ARIH1: variants seen among roughly 807,000 people sequenced by gnomAD.
The protein encoded by ARIH1 is E3 ubiquitin-protein ligase ARIH1.
ARIH1 carries 8 observed loss-of-function variants against 85.0 expected under a neutral mutation model. That is an observed-to-expected ratio of 0.09 (90% CI 0.06 to 0.17). The LOEUF (loss-of-function observed/expected upper bound fraction) is 0.17. ARIH1 is among the 10% of genes least tolerant of loss of function. The probability of loss-of-function intolerance (pLI) is 1.00; values close to 1 mark genes in which losing one functional copy is unlikely to be tolerated. For missense variants in ARIH1, 311 were observed against 718.1 expected (o/e 0.43, Z 6.48); for synonymous variants, 238 against 253.6 (o/e 0.94, Z 0.59).
chr15:72,554,633 G>A (rs1000016178), intron 3 of ARIH1, among the ~76,000 whole-genome samples: 3 of 152,154 alleles, frequency 2.0e-5, no homozygotes, highest in South Asian at 2.1e-4. Flanking sequence ...GTAATCCTCC[G>A]CTCTCAGCCA....
chr15:72,492,237 T>A (rs2063862421), intron 1 of ARIH1, among the ~76,000 whole-genome samples: 1 of 152,142 alleles, frequency 6.6e-6, no homozygotes. Flanking sequence ...TTATATAAAA[T>A]TTGTTCGTTA....
chr15:72,509,131 C>T (rs1021237723), intron 1 of ARIH1, among the ~76,000 whole-genome samples: 5 of 151,950 alleles, frequency 3.3e-5, no homozygotes, highest in Non-Finnish European at 5.9e-5. Context: ...GCTGGGACTA[C>T]AGGCGTGCAT....
At chr15:72,518,314 A>C (rs952485318) in intron 2 of ARIH1, among the ~76,000 whole-genome samples, 180 bp downstream of exon 2, 1 of 152,032 alleles carries the variant, frequency 6.6e-6, no homozygotes, top group Non-Finnish European at 1.5e-5. Context: ...AGTAAATTTA[A>C]TGTTAGGGAG....
intron 2 of ARIH1, among the ~76,000 whole-genome samples, chr15:72,522,817 G>A (rs1306196359): frequency 6.6e-6 from 1 of 152,196 alleles, no homozygotes; most frequent in Non-Finnish European, 1.5e-5. Flanking sequence ...AAAACAGTCT[G>A]ATTAAAAAAT....
chr15:72,591,653 G>C lies in ARIH1; in HGVS notation c.*8361G>C, dbSNP rs1376537220. 6.6e-6 allele frequency: 1 copy of C among 152,184 alleles called. No homozygotes were observed. The highest frequency in any genetic ancestry group is 1.5e-5 in the Non-Finnish European group (1 of 68,030). The allele number at this position is 152,184 out of a possible 1,614,324, so 9.4% of individuals were successfully genotyped here. A position where few individuals can be genotyped will look rare whatever the true frequency, so the allele number is the denominator to read the frequency against. On this transcript the variant is annotated 3_prime_UTR_variant, in exon 14 of 14. Transcript: ENST00000379887. ...CGGTATGTCAAATCATTTTCTCAGA[G>C]GAAGTACAGCATAAAATAATAACCA... is the stretch of plus-strand genomic sequence containing the variant.
intron 3 of ARIH1, among the ~76,000 whole-genome samples, 185 bp from the exon 4 acceptor site, chr15:72,555,086 G>A (rs931063610): frequency 3.9e-5 from 6 of 152,140 alleles, no homozygotes; most frequent in Non-Finnish European, 8.8e-5. Context: ...TAAGATGTAT[G>A]TGTGTTCGGT....
chr15:72,562,155 T>C (rs1307250281), intron 6 of ARIH1, among the ~76,000 whole-genome samples: 3 of 152,314 alleles, frequency 2.0e-5, no homozygotes, highest in Non-Finnish European at 4.4e-5. Context: ...TTTGAGATTC[T>C]AACCCTGCTA....
At chr15:72,562,598 TTTTG>T (rs543885038) in intron 6 of ARIH1, among the ~76,000 whole-genome samples, 152 of 151,840 alleles carry the variant, frequency 1.0e-3, no homozygotes, top group African/African-American at 3.5e-3. Flanking sequence ...GAACTGGGTT[TTTTG>T]TTTGTTTTTT....
intron 2 of ARIH1, among the ~76,000 whole-genome samples, chr15:72,522,660 G>A (rs1033039565): frequency 6.6e-6 from 1 of 152,014 alleles, no homozygotes; most frequent in Non-Finnish European, 1.5e-5. Context: ...GAACTAGAGA[G>A]CAACAACAAC....
chr15:72,552,718 A>T (rs1265636416), intron 3 of ARIH1, among the ~76,000 whole-genome samples: 1 of 152,100 alleles, frequency 6.6e-6, no homozygotes, highest in East Asian at 1.9e-4. Context: ...AAAAACTGGA[A>T]ATAGCAGTTG....
intron 11 of ARIH1, among the ~76,000 whole-genome samples, chr15:72,574,924 A>G (rs891159412): frequency 2.7e-5 from 3 of 111,626 alleles, no homozygotes; most frequent in Non-Finnish European, 5.8e-5. Flanking sequence ...CATCTCTACA[A>G]AAAAAAAACA....
At chr15:72,489,387 T>C (rs968808423) in intron 1 of ARIH1, among the ~76,000 whole-genome samples, 39 of 152,146 alleles carry the variant, frequency 2.6e-4, no homozygotes, top group African/African-American at 9.4e-4. Flanking sequence ...TTTGTGCTGA[T>C]GTTGCAGGGC....
In ARIH1 at chr15:72,593,223, T is replaced by G. The variant is rs2064349773; in HGVS notation, c.*9931T>G. The stretch of plus-strand genomic sequence containing the variant: ...TATCTTTCAAGAAGTGTCTTTCATG[T>G]CTTTTCTCATTTTAAAGTTGGGTGT... On this transcript the variant is annotated 3_prime_UTR_variant, in exon 14 of 14. Coordinates refer to ENST00000379887, the MANE Select transcript of ARIH1 (RefSeq NM_005744.5). 6.6e-6 allele frequency: 1 copy of G among 152,224 alleles called. No homozygotes were observed. Among genetic ancestry groups the G allele is most frequent in the African/African-American group, 2.4e-5 (1 of 41,470 alleles). The allele number at this position is 152,224 out of a possible 1,614,324, so 9.4% of individuals were successfully genotyped here.
At chr15:72,476,261 A>C (rs1423734575) in intron 1 of ARIH1, among the ~76,000 whole-genome samples, 1 of 152,216 alleles carries the variant, frequency 6.6e-6, no homozygotes, top group African/African-American at 2.4e-5. Context: ...AGTGTTTTGC[A>C]TAATAGAAAA....
At chr15:72,559,062 G>A (rs1430388643) in intron 5 of ARIH1, among the ~76,000 whole-genome samples, 6 of 151,978 alleles carry the variant, frequency 3.9e-5, no homozygotes, top group African/African-American at 9.7e-5. Flanking sequence ...TAGGACCCAC[G>A]TCCTCCACCC....
chr15:72,569,974 G>A (rs2064236223), intron 9 of ARIH1, among the ~76,000 whole-genome samples: 1 of 152,154 alleles, frequency 6.6e-6, no homozygotes, highest in Non-Finnish European at 1.5e-5. Context: ...ATTGTTGTAT[G>A]TCTTAAAAGC....
intron 2 of ARIH1, among the ~76,000 whole-genome samples, chr15:72,523,670 T>C (rs1411793750): frequency 6.6e-6 from 1 of 152,156 alleles, no homozygotes; most frequent in Non-Finnish European, 1.5e-5. Context: ...AACAACGGTG[T>C]GTCAATGTAG....
intron 5 of ARIH1, among the ~76,000 whole-genome samples, chr15:72,559,944 C>T (rs1214945105): frequency 6.6e-6 from 1 of 152,138 alleles, no homozygotes; most frequent in Non-Finnish European, 1.5e-5. Flanking sequence ...AACATATGAA[C>T]ATTTGTGTAC....
chr15:72,544,753 G>A, intron 2 of ARIH1, 67 bp from the exon 3 acceptor site: 6 of 1,384,106 alleles, frequency 4.3e-6, no homozygotes, highest in Non-Finnish European at 5.8e-6. Context: ...TAGAAAGTCA[G>A]GTTTTTGGAG....
Sources: gnomAD v4.1 joint callset for allele counts (sites outside exome capture counted in the v4.1 genomes callset) on GRCh38, gnomAD v4.1.1 for gene constraint, MANE v1.5 for transcripts, NCBI Gene and HGNC (gene_info 2026-07-23, HGNC 2026-07-21) for gene names.